Variants in SCHIP1 observed in about 807,000 individuals in gnomAD.
SCHIP1 encodes schwannomin interacting protein 1.
Under a neutral mutation model 29.7 loss-of-function variants are expected in SCHIP1, and 8 were observed. That is an observed-to-expected ratio of 0.27 (90% confidence interval 0.16 to 0.49). The LOEUF is 0.49. Among genes scored for constraint, SCHIP1 ranks in the 20% least tolerant of loss-of-function variants. The pLI, the probability that SCHIP1 is intolerant of heterozygous loss-of-function variation, is 0.99. For missense variants in SCHIP1, 193 were observed against 294.6 expected (o/e 0.66, Z 2.52); for synonymous variants, 76 against 94.9 (o/e 0.80, Z 1.16).
the SCHIP1 span, among the ~76,000 whole-genome samples, chr3:159,421,085 A>G: frequency 1.3e-5 from 2 of 152,346 alleles, no homozygotes; most frequent in African/African-American, 4.8e-5. Flanking sequence ...TGACCAAGAT[A>G]TTGAAAGTTG....
the SCHIP1 span, among the ~76,000 whole-genome samples, chr3:159,639,625 A>G: frequency 6.6e-6 from 1 of 152,220 alleles, no homozygotes; most frequent in Admixed American, 6.5e-5. Flanking sequence ...GTTTGACAGC[A>G]TCTTTAACAT....
chr3:159,568,282 T>C, the SCHIP1 span, among the ~76,000 whole-genome samples: 1 of 152,230 alleles, frequency 6.6e-6, no homozygotes, highest in Admixed American at 6.5e-5. Context: ...ATAAACATTA[T>C]ATTTCTTTAT....
chr3:159,734,065 AAAAC>A, the SCHIP1 span, among the ~76,000 whole-genome samples: 2 of 152,248 alleles, frequency 1.3e-5, no homozygotes, highest in South Asian at 2.1e-4. Context: ...TGCACAAAGA[AAAAC>A]AAAATTCTAT....
At chr3:159,354,148 G>T in the SCHIP1 span, among the ~76,000 whole-genome samples, 1 of 152,052 alleles carries the variant, frequency 6.6e-6, no homozygotes, top group South Asian at 2.1e-4. Flanking sequence ...TGACTTATAA[G>T]ACTAAAAACA....
At chr3:159,428,744 C>T in the SCHIP1 span, among the ~76,000 whole-genome samples, 128 of 151,930 alleles carry the variant, frequency 8.4e-4, no homozygotes, top group South Asian at 0.024. Context: ...GACAGATACA[C>T]ACGTATGTTT....
chr3:159,734,130 G>A, the SCHIP1 span, among the ~76,000 whole-genome samples: 10 of 119,724 alleles, frequency 8.4e-5, no homozygotes, highest in South Asian at 2.4e-3. Context: ...TATTATTATT[G>A]TTTACTTTTT....
chr3:159,300,701 G>A, the SCHIP1 span, among the ~76,000 whole-genome samples: 2 of 152,180 alleles, frequency 1.3e-5, no homozygotes, highest in Admixed American at 1.3e-4. Flanking sequence ...TTTGAAAGAG[G>A]CAGTGTGGAG....
chr3:159,808,500 G>GGAC, the SCHIP1 span: 79 of 152,348 alleles, frequency 5.2e-4, no homozygotes, highest in African/African-American at 1.7e-3. Flanking sequence ...GATAGATAGA[G>GGAC]GACATATCAG....
chr3:159,320,341 A>G, the SCHIP1 span, among the ~76,000 whole-genome samples: 1 of 152,162 alleles, frequency 6.6e-6, no homozygotes, highest in African/African-American at 2.4e-5. Context: ...AGCTGTCTGT[A>G]GCCCAGAAGA....
At chr3:159,812,599 G>A in the SCHIP1 span, among the ~76,000 whole-genome samples, 27 of 152,092 alleles carry the variant, frequency 1.8e-4, no homozygotes, top group African/African-American at 4.8e-4. Flanking sequence ...ATAAAACAAC[G>A]TCACATGGCA....
chr3:159,521,727 A>G, the SCHIP1 span, among the ~76,000 whole-genome samples: 1 of 152,240 alleles, frequency 6.6e-6, no homozygotes, highest in South Asian at 2.1e-4. Flanking sequence ...CCTCTGAAAT[A>G]TAACAGTATG....
At chr3:159,681,752 C>T in the SCHIP1 span, among the ~76,000 whole-genome samples, 3 of 152,314 alleles carry the variant, frequency 2.0e-5, no homozygotes, top group African/African-American at 7.2e-5. Context: ...TAACCAAAAT[C>T]TTCCAATGTA....
chr3:159,714,330 T>G, the SCHIP1 span, among the ~76,000 whole-genome samples: 4 of 152,020 alleles, frequency 2.6e-5, no homozygotes, highest in African/African-American at 9.7e-5. Flanking sequence ...ACGCAGAAGA[T>G]GGGTGATTTC....
chr3:159,550,117 A>ATCTTAAGATATCTTAAGAAAATTAATTC, the SCHIP1 span, among the ~76,000 whole-genome samples: 1 of 151,928 alleles, frequency 6.6e-6, no homozygotes, highest in African/African-American at 2.4e-5. Context: ...AAAATTAATT[A>ATCTTAAGATATCTTAAGAAAATTAATTC]TCTTAATTAT....
chr3:159,606,151 C>T, the SCHIP1 span, among the ~76,000 whole-genome samples: 1 of 152,126 alleles, frequency 6.6e-6, no homozygotes, highest in East Asian at 1.9e-4. Flanking sequence ...GCATAGAGTC[C>T]AGTGGTCCCT....
At chr3:159,274,992 T>C in the SCHIP1 span, 2 of 982,976 alleles carry the variant, frequency 2.0e-6, no homozygotes, top group East Asian at 1.1e-4. Context: ...CCAAGTGAAT[T>C]ACTGTTGCTT....
the SCHIP1 span, among the ~76,000 whole-genome samples, chr3:159,496,614 G>A: frequency 6.6e-6 from 1 of 152,186 alleles, no homozygotes; most frequent in Non-Finnish European, 1.5e-5. Flanking sequence ...AACAGGTGCT[G>A]GAGAGGATGT....
At chr3:159,432,287 TGTGTGTGTGTG>T in the SCHIP1 span, among the ~76,000 whole-genome samples, 14 of 46,588 alleles carry the variant, frequency 3.0e-4, no homozygotes, top group African/African-American at 1.8e-3. Context: ...GAGTAGGTGA[TGTGTGTGTGTG>T]TGTGTGTGTG....
the SCHIP1 span, among the ~76,000 whole-genome samples, chr3:159,510,977 C>G: frequency 6.5e-4 from 99 of 152,286 alleles, no homozygotes; most frequent in African/African-American, 2.3e-3. Flanking sequence ...CTGGGAGAAC[C>G]ACTACTCTCT....
Sources: gnomAD v4.1 joint callset for allele counts (sites outside exome capture counted in the v4.1 genomes callset) on GRCh38, gnomAD v4.1.1 for gene constraint, MANE v1.5 for transcripts, NCBI Gene and HGNC (gene_info 2026-07-23, HGNC 2026-07-21) for gene names.